The following CSMD1 variants were observed in gnomAD, a reference collection of about 807,000 sequenced individuals.
The protein encoded by CSMD1 is CUB and Sushi multiple domains 1.
A neutral mutation model predicts 417.5 loss-of-function variants in CSMD1; 213 were observed. The ratio of observed to expected loss-of-function variants is 0.51; its 90% CI spans 0.46 to 0.57. The LOEUF (loss-of-function observed/expected upper bound fraction) is 0.57. CSMD1 is among the 20% of genes least tolerant of loss of function. The probability of loss-of-function intolerance (pLI) is 0.00; values close to 1 mark genes in which losing one functional copy is unlikely to be tolerated. For missense variants in CSMD1, 6,923 were observed against 4,529.7 expected (o/e 1.53, Z -15.17); for synonymous variants, 2,862 against 1,736.8 (o/e 1.65, Z -16.11).
Position 4,940,108 on chromosome 8 carries a change from TGAG to T in CSMD1, c.85+54221_85+54223del, listed in dbSNP as rs1021996136. Reference sequence around the variant, plus strand: ...TTGCATGTGAACTACCGGGGGCTGCTGAGGAGGTCTTGGCTCCCCCTGTGAGAG... The same window carrying T: ...TTGCATGTGAACTACCGGGGGCTGCTGAGGTCTTGGCTCCCCCTGTGAGAG... On this transcript the variant is annotated intron_variant, in intron 1 of 69. Transcript: ENST00000635120. Among the ~76,000 whole-genome samples, 15 of 152,210 alleles carry T rather than the reference TGAG, an allele frequency of 9.9e-5. No homozygotes were observed. In the East Asian group the frequency reaches 2.1e-3, roughly 22 times the overall value.
At position 2,974,602 on chromosome 8, in the gene CSMD1, C is replaced by T; in HGVS notation, c.8589G>A (p.Gly2863=). The T allele has an allele frequency of 6.2e-7, 1 of 1,608,608 alleles. No individual in the cohort carries two copies. The highest frequency in any genetic ancestry group is 8.5e-7 in the Non-Finnish European group (1 of 1,177,396). The change falls in exon 56 of 70, where the codon GGG becomes GGA. Residue 2863 remains glycine, a synonymous_variant. Transcript: ENST00000635120. The part of the protein sequence containing the change: ...KCLAISCGHP[G]VPANAVLTGE... ...CAGTGAGGACGGCGTTGGCAGGGAC[C>T]CCTGGGTGTCCACACGATATAGCTT...
intron 1 of CSMD1, chr8:4,787,531 T>G: frequency 7.7e-7 from 1 of 1,301,084 alleles, no homozygotes; most frequent in Non-Finnish European, 1.1e-6. Context: ...AAGCAGGTAT[T>G]AAAACTGCCT....
chr8:3,161,828 T>A (rs1057475666), intron 38 of CSMD1, among the ~76,000 whole-genome samples: 3 of 152,130 alleles, frequency 2.0e-5, no homozygotes, highest in African/African-American at 7.2e-5. Flanking sequence ...AGAAGCAGAT[T>A]CAATTACTGG....
At chr8:4,555,325 G>C (rs1329096496) in intron 2 of CSMD1, among the ~76,000 whole-genome samples, 1 of 152,104 alleles carries the variant, frequency 6.6e-6, no homozygotes, top group Non-Finnish European at 1.5e-5. Context: ...TGCTCAGAAG[G>C]AAAAAACAAA....
intron 2 of CSMD1, among the ~76,000 whole-genome samples, chr8:4,473,848 C>T (rs947495521): frequency 2.0e-5 from 3 of 152,070 alleles, no homozygotes; most frequent in Admixed American, 6.6e-5. Flanking sequence ...CGCAAATGAT[C>T]GTAGCATATA....
intron 10 of CSMD1, among the ~76,000 whole-genome samples, chr8:3,570,690 T>C (rs1327777015): frequency 6.6e-6 from 1 of 152,166 alleles, no homozygotes; most frequent in Non-Finnish European, 1.5e-5. Flanking sequence ...TTTCGGTTTT[T>C]AGTTGGCTCT....
chr8:3,288,289 C>A (rs979967764), intron 25 of CSMD1, among the ~76,000 whole-genome samples: 1 of 146,892 alleles, frequency 6.8e-6, no homozygotes, highest in East Asian at 2.0e-4. Context: ...TTCTGCCAGG[C>A]TTTGGTATGA....
rs185293528 is a variant in CSMD1 at position 4,452,042 on chromosome 8, G to T, written c.303-31977C>A. 1.3e-4 allele frequency among the ~76,000 whole-genome samples: 20 copies of T among 151,730 alleles called. No individual in the cohort carries two copies. The East Asian group carries it at 2.9e-3, about 22-fold the overall frequency. On this transcript the variant is annotated intron_variant, in intron 2 of 69. Coordinates refer to ENST00000635120, the MANE Select transcript of CSMD1 (RefSeq NM_033225.6). ...AGGCAGCCTGCCTTCTCACCAGAGG[G>T]GTGGAAGAGGAAGATTAGGGGCCAG...
At chr8:4,988,072 T>C (rs1811272097) in intron 1 of CSMD1, among the ~76,000 whole-genome samples, 1 of 152,182 alleles carries the variant, frequency 6.6e-6, no homozygotes, top group South Asian at 2.1e-4. Context: ...CTATTTGTTC[T>C]GTCCCTCTAG....
At chr8:4,007,021 G>C (rs1216400056) in intron 4 of CSMD1, among the ~76,000 whole-genome samples, 2 of 151,878 alleles carry the variant, frequency 1.3e-5, no homozygotes, top group African/African-American at 2.4e-5. Context: ...TGTATTTTTA[G>C]TAGAGACGGG....
rs34547668 is a variant in CSMD1 at position 3,691,366 on chromosome 8, C to CAA, written c.1009+17046_1009+17047dup. ...TGGGTGACAGAGCAAGACTCTGTCT[C>CAA]AAAAAAAAAAACAAAACAAAAAAAC... On this transcript the variant is annotated intron_variant, in intron 7 of 69. Transcript: ENST00000635120. Among the ~76,000 whole-genome samples the CAA allele has an allele frequency of 2.1e-3, 284 of 133,846 alleles. 3 individuals are homozygous for CAA. The highest frequency in any genetic ancestry group is 7.7e-3 in the African/African-American group (274 of 35,792). 87.8% of individuals were successfully genotyped at this position (133,846 alleles called of 152,430 possible).
At chr8:4,354,775 C>T (rs970867409) in intron 3 of CSMD1, among the ~76,000 whole-genome samples, 13 of 151,530 alleles carry the variant, frequency 8.6e-5, no homozygotes, top group Admixed American at 6.6e-4. Context: ...TTCCCCCCTC[C>T]CAGAAAAATG....
intron 3 of CSMD1, among the ~76,000 whole-genome samples, chr8:4,057,563 T>C (rs1052845914): frequency 6.6e-6 from 1 of 152,058 alleles, no homozygotes; most frequent in African/African-American, 2.4e-5. Context: ...CAATTTTGGC[T>C]TTTGTTGCCA....
chr8:3,488,052 A>C (rs1271755263), intron 11 of CSMD1, among the ~76,000 whole-genome samples: 1 of 151,430 alleles, frequency 6.6e-6, no homozygotes, highest in Non-Finnish European at 1.5e-5. Context: ...TTTTTTTTCT[A>C]AACTCAAACC....
chr8:4,163,778 G>C (rs933736955), intron 3 of CSMD1, among the ~76,000 whole-genome samples: 2 of 152,116 alleles, frequency 1.3e-5, no homozygotes, highest in African/African-American at 2.4e-5. Flanking sequence ...GAAATGTAAT[G>C]ACTTATTCAA....
At chr8:3,774,059 C>G (rs1271120144) in intron 5 of CSMD1, among the ~76,000 whole-genome samples, 2 of 152,168 alleles carry the variant, frequency 1.3e-5, no homozygotes, top group Non-Finnish European at 2.9e-5. Flanking sequence ...TTGCTATTTT[C>G]CTAAAATACA....
intron 40 of CSMD1, among the ~76,000 whole-genome samples, chr8:3,145,364 T>C (rs903957127): frequency 1.3e-5 from 2 of 152,116 alleles, no homozygotes; most frequent in African/African-American, 2.4e-5. Context: ...GATATATTTA[T>C]CCAGAAACAC....
chr8:4,063,685 A>G (rs1031985951), intron 3 of CSMD1, among the ~76,000 whole-genome samples: 3 of 152,196 alleles, frequency 2.0e-5, no homozygotes, highest in Non-Finnish European at 4.4e-5. Flanking sequence ...AAGGATAAGC[A>G]TGGACCAGGC....
chr8:3,500,619 G>A (rs554974558), intron 10 of CSMD1, among the ~76,000 whole-genome samples: 2 of 152,100 alleles, frequency 1.3e-5, no homozygotes, highest in African/African-American at 4.8e-5. Context: ...CAAGAATATG[G>A]TGTTTTGTGA....
Sources: gnomAD v4.1 joint callset for allele counts (sites outside exome capture counted in the v4.1 genomes callset) on GRCh38, gnomAD v4.1.1 for gene constraint, MANE v1.5 for transcripts, NCBI Gene and HGNC (gene_info 2026-07-23, HGNC 2026-07-21) for gene names.